The following RBM6 variants were observed in gnomAD, a reference collection of about 807,000 sequenced individuals.
The protein encoded by RBM6 is RNA-binding protein 6.
In RBM6, 23 loss-of-function variants were observed where a neutral mutation model predicts 140.4. The observed-to-expected ratio is 0.16, with a 90% CI of 0.12 to 0.23. The LOEUF is 0.23. Ranked by LOEUF, RBM6 falls within the 10% of genes least tolerant of loss-of-function variation. The pLI is 1.00. For synonymous variants in RBM6, 439 were observed against 475.6 expected (o/e 0.92, Z 1.00); for missense variants, 1,139 against 1,386.7 (o/e 0.82, Z 2.84).
chr3:49,990,745 A>G (rs1357342019), intron 5 of RBM6, among the ~76,000 whole-genome samples: 1 of 152,198 alleles, frequency 6.6e-6, no homozygotes, highest in Non-Finnish European at 1.5e-5. Context: ...AGGAAATTTC[A>G]GTGGTATTTG....
chr3:49,993,100 G>C (rs1473190013), intron 5 of RBM6, among the ~76,000 whole-genome samples: 3 of 152,096 alleles, frequency 2.0e-5, no homozygotes, highest in Admixed American at 1.3e-4. Flanking sequence ...ACTTCCATTA[G>C]ATTAAACTCT....
In RBM6 at chr3:49,995,867, C is replaced by A. The variant is rs368089075; in HGVS notation, c.1484-3573C>A. Among the ~76,000 whole-genome samples, 18 of 152,214 alleles carry A rather than the reference C, an allele frequency of 1.2e-4. No homozygotes were observed. In the East Asian group the frequency reaches 2.3e-3, roughly 20 times the overall value. On this transcript the variant is annotated intron_variant, in intron 5 of 20. Coordinates refer to ENST00000266022, the MANE Select transcript of RBM6 (RefSeq NM_005777.3). ...GTCTTTGGGTAGAATATCTTCTGTG[C>A]CTTTTCTGTGAATTGTAAAATTACA...
intron 15 of RBM6, among the ~76,000 whole-genome samples, chr3:50,064,503 G>A (rs1304129757): frequency 1.3e-5 from 2 of 151,800 alleles, no homozygotes; most frequent in South Asian, 2.1e-4. Flanking sequence ...ATATACTAAC[G>A]TTTTATTTTA....
chr3:49,979,542 C>T (rs532433926), intron 5 of RBM6, among the ~76,000 whole-genome samples: 4 of 148,714 alleles, frequency 2.7e-5, no homozygotes, highest in South Asian at 2.1e-4. Context: ...CGGGTTCAAA[C>T]GATTCTCCTT....
In RBM6 at chr3:50,058,653, G is replaced by A. The variant is rs959731319; in HGVS notation, c.2130+91G>A. ...CTGGGGGCCGGGCCTGGTGGCTTAC[G>A]CCTGTAATCCCAGCACTTTGGGAGG... is the stretch of plus-strand genomic sequence containing the variant. On this transcript the variant is annotated intron_variant, in intron 10 of 20. Transcript: ENST00000266022. The A allele has an allele frequency of 4.6e-5, 63 of 1,360,100 alleles. No individual in the cohort carries two copies. The East Asian group carries it at 1.1e-3, about 24-fold the overall frequency. The allele number at this position is 1,360,100 out of a possible 1,614,324, so 84.3% of individuals were successfully genotyped here.
intron 13 of RBM6, 90 bp from the exon 14 acceptor site, chr3:50,061,372 G>A (rs2089935896): frequency 6.3e-7 from 1 of 1,577,790 alleles, no homozygotes; most frequent in Non-Finnish European, 8.6e-7. Context: ...TATTTGTGTT[G>A]GTCACCCTAA....
chr3:49,986,463 C>T (rs372616654), intron 5 of RBM6, among the ~76,000 whole-genome samples: 449 of 151,564 alleles, frequency 3.0e-3, no homozygotes, highest in African/African-American at 1.0e-2. Context: ...GGCATGGTGG[C>T]GGGCTCCTGT....
At chr3:50,057,113 T>C (rs1294374517) in intron 8 of RBM6, among the ~76,000 whole-genome samples, 2 of 152,212 alleles carry the variant, frequency 1.3e-5, no homozygotes. Context: ...CAAGGTGTCA[T>C]GAAGGATTTG....
chr3:50,051,222 C>T (rs890605152), intron 7 of RBM6, among the ~76,000 whole-genome samples: 1 of 152,046 alleles, frequency 6.6e-6, no homozygotes, highest in Admixed American at 6.6e-5. Context: ...TGCCTATGAT[C>T]GCGGCTACTA....
intron 17 of RBM6, among the ~76,000 whole-genome samples, chr3:50,067,402 A>G (rs867195895): frequency 3.3e-5 from 5 of 152,186 alleles, no homozygotes; most frequent in Admixed American, 2.0e-4. Context: ...GGGTAGGAAG[A>G]GAAAGGGTTG....
chr3:49,942,047 G>A (rs895146377), intron 1 of RBM6, among the ~76,000 whole-genome samples: 1 of 151,624 alleles, frequency 6.6e-6, no homozygotes, highest in African/African-American at 2.4e-5. Context: ...GTTGTAGTAA[G>A]GGGAGATAGT....
rs569053963 is a variant in RBM6 at position 50,009,895 on chromosome 3, A to G, written c.1557+10382A>G. Among the ~76,000 whole-genome samples, 5 of 151,274 alleles carry G rather than the reference A, an allele frequency of 3.3e-5. No homozygotes were observed. The South Asian group carries it at 1.0e-3, about 32-fold the overall frequency. On this transcript the variant is annotated intron_variant, in intron 6 of 20. Coordinates refer to ENST00000266022, the MANE Select transcript of RBM6 (RefSeq NM_005777.3). ...TTATTATTTATTTTTATTTTTATTTATTTATTTTTTGAGACAGAGTTTTGC... is the reference window on the plus strand; with the variant it reads ...TTATTATTTATTTTTATTTTTATTTGTTTATTTTTTGAGACAGAGTTTTGC...
At chr3:49,959,529 G>T (rs2084182423) in intron 1 of RBM6, among the ~76,000 whole-genome samples, 1 of 148,150 alleles carries the variant, frequency 6.7e-6, no homozygotes, top group Non-Finnish European at 1.5e-5. Context: ...GAAAGACAGT[G>T]TTGCCATTTA....
intron 5 of RBM6, among the ~76,000 whole-genome samples, chr3:49,984,090 G>C (rs972390318): frequency 6.6e-6 from 1 of 152,076 alleles, no homozygotes; most frequent in African/African-American, 2.4e-5. Flanking sequence ...TCAGGAGTTC[G>C]AGACCACCCT....
chr3:50,070,443 G>A lies in RBM6; in HGVS notation c.3019-12G>A. 1 of 1,607,384 alleles carries A rather than the reference G, an allele frequency of 6.2e-7. No individual in the cohort carries two copies. The highest frequency in any genetic ancestry group is 8.5e-7 in the Non-Finnish European group (1 of 1,174,040). On this transcript the variant is annotated splice_polypyrimidine_tract_variant and intron_variant, in intron 18 of 20. Coordinates refer to ENST00000266022, the MANE Select transcript of RBM6 (RefSeq NM_005777.3). ...GTGGCAATCTCAGGTCTGCTCTTCT[G>A]CTTACCAACAGGGAAAGTTTAAAGG...
At chr3:49,979,282 C>T (rs191268509) in intron 5 of RBM6, among the ~76,000 whole-genome samples, 3 of 152,118 alleles carry the variant, frequency 2.0e-5, no homozygotes, top group South Asian at 2.1e-4. Context: ...GAATGGGGAA[C>T]GACTCCCTAA....
chr3:50,039,283 A>G (rs1276730199), intron 6 of RBM6, among the ~76,000 whole-genome samples: 1 of 152,120 alleles, frequency 6.6e-6, no homozygotes, highest in African/African-American at 2.4e-5. Flanking sequence ...CTTTTCACCC[A>G]GGCTGGAGTG....
At chr3:50,054,480 A>G in intron 8 of RBM6, 85 bp downstream of exon 8, 1 of 1,191,498 alleles carries the variant, frequency 8.4e-7, no homozygotes, top group South Asian at 1.3e-5. Context: ...AAGAATTATC[A>G]TCCCTAAATC....
At chr3:49,940,867 A>T (rs2083253890) in intron 1 of RBM6, 1 of 147,028 alleles carries the variant, frequency 6.8e-6, no homozygotes, top group Admixed American at 6.8e-5. Context: ...ACGTTAGGCG[A>T]ATGGGTTCAA....
Sources: allele counts gnomAD v4.1 joint callset (sites outside exome capture counted in the v4.1 genomes callset), GRCh38; gene constraint gnomAD v4.1.1; transcripts MANE v1.5; gene names NCBI Gene and HGNC (gene_info 2026-07-23, HGNC 2026-07-21).